UTP4: variants seen among roughly 807,000 people sequenced by gnomAD.
UTP4 encodes UTP4 small subunit processome component, also known as U3 small nucleolar RNA-associated protein 4 homolog.
UTP4 carries 45 observed loss-of-function variants against 82.4 expected under a neutral mutation model. The observed-to-expected ratio is 0.55, with a 90% confidence interval of 0.43 to 0.70. The LOEUF (loss-of-function observed/expected upper bound fraction) is 0.70, where lower values mean the gene tolerates loss of function less well. Ranked by LOEUF, UTP4 falls within the 30% of genes least tolerant of loss-of-function variation. UTP4 has a pLI of 0.00. For missense variants in UTP4, 819 were observed against 858.3 expected, an observed-to-expected ratio of 0.95 and a Z score of 0.57; for synonymous variants, 348 against 300.3, an observed-to-expected ratio of 1.16 and a Z score of -1.64.
intron 6 of UTP4, among the ~76,000 whole-genome samples, chr16:69,144,344 G>A (rs565228355): frequency 2.0e-5 from 3 of 151,838 alleles, no homozygotes; most frequent in South Asian, 4.2e-4. Flanking sequence ...GATTACAGGC[G>A]CCCGCCTCTG....
chr16:69,158,161 CTTTTTTTTTT>C (rs34392768), intron 12 of UTP4, among the ~76,000 whole-genome samples: 483 of 40,330 alleles, frequency 0.012, 1 homozygote, highest in Middle Eastern at 0.042. Flanking sequence ...AAAGTCAACT[CTTTTTTTTTT>C]TTTTTTTTTT....
chr16:69,136,622 T>C (rs1962820604), intron 2 of UTP4, 74 bp from the exon 3 acceptor site: 1 of 1,448,380 alleles, frequency 6.9e-7, no homozygotes, highest in African/African-American at 1.4e-5. Context: ...GTTTTTACCA[T>C]GTTGCCTGTG....
chr16:69,162,914 A>C (rs544872619), intron 13 of UTP4, among the ~76,000 whole-genome samples, 169 bp from the exon 14 acceptor site: 1 of 152,032 alleles, frequency 6.6e-6, no homozygotes, highest in South Asian at 2.1e-4. Flanking sequence ...AGAGAAGAAA[A>C]AGAAATGAAA....
rs1176579617 is a variant in UTP4, at chr16:69,151,055, G to A, written c.1002+151G>A. The A allele has an allele frequency of 8.8e-6, 6 of 683,560 alleles. No homozygotes were observed. The Admixed American group carries it at 8.9e-5, about 10-fold the overall frequency. 42.3% of individuals were successfully genotyped at this position (683,560 alleles called of 1,614,324 possible). The stretch of plus-strand genomic sequence containing the variant: ...AGAGTTTGCTCTTGTTGCCCAGGCT[G>A]GAGTGCAATGGCGCGATCTCGGCTC... On this transcript the variant is annotated intron_variant, in intron 8 of 16. Coordinates refer to ENST00000314423, the MANE Select transcript of UTP4 (RefSeq NM_032830.3).
intron 4 of UTP4, among the ~76,000 whole-genome samples, chr16:69,138,368 A>G (rs1962867410): frequency 6.6e-6 from 1 of 151,220 alleles, no homozygotes; most frequent in Admixed American, 6.6e-5. Context: ...CTCCCAAGTG[A>G]CTGGGATTCC....
intron 6 of UTP4, among the ~76,000 whole-genome samples, chr16:69,146,942 G>A (rs975950682): frequency 4.0e-5 from 6 of 148,170 alleles, no homozygotes; most frequent in East Asian, 2.0e-4. Flanking sequence ...GGCGGAGCTT[G>A]CATTGAGTGC....
intron 1 of UTP4, chr16:69,133,145 C>A: frequency 2.7e-6 from 1 of 373,678 alleles, no homozygotes. Flanking sequence ...TGTTTGCAAA[C>A]TTAGCAATAG....
At chr16:69,158,681 T>TCA (rs1338593561) in intron 12 of UTP4, among the ~76,000 whole-genome samples, 3 of 152,196 alleles carry the variant, frequency 2.0e-5, no homozygotes, top group Admixed American at 2.0e-4. Context: ...TTCTCTCATC[T>TCA]CACTTCCCCT....
Position 69,139,910 on chromosome 16 carries a change from A to G in UTP4, c.522A>G (p.Lys174=). ...SIDYISVFDV[K]SGSAVHKMIV... ...ACTACATTAGTGTGTTTGATGTCAA[A>G]TCAGGTGATTGTTTTTTTCAGTTCA... The change falls in exon 5 of 17, where the codon AAA becomes AAG. Residue 174 remains lysine, a synonymous_variant. Transcript: ENST00000314423. The G allele has an allele frequency of 6.2e-7, 1 of 1,609,062 alleles. No homozygotes were observed. The highest frequency in any genetic ancestry group is 1.1e-5 in the South Asian group (1 of 90,984).
At position 69,137,509 on chromosome 16, in the gene UTP4, C is replaced by G. The variant is rs144098141; in HGVS notation, c.352-292C>G. Among the ~76,000 whole-genome samples, 24 of 152,288 alleles carry G rather than the reference C, an allele frequency of 1.6e-4. No individual in the cohort carries two copies. In the East Asian group the frequency reaches 3.5e-3, roughly 22 times the overall value. ...GCCAAGGGTCTCTAGCAGAAGTATT[C>G]TATGAAATCCTACTTCTAATCCATG... On this transcript the variant is annotated intron_variant, in intron 3 of 16. Coordinates refer to ENST00000314423, the MANE Select transcript of UTP4 (RefSeq NM_032830.3).
intron 14 of UTP4, among the ~76,000 whole-genome samples, chr16:69,163,883 TG>T (rs371971614): frequency 0.015 from 2,135 of 141,998 alleles, 122 homozygotes; most frequent in African/African-American, 0.052. Flanking sequence ...ATGGTCAGTT[TG>T]TTTTTTTTTT....
intron 6 of UTP4, among the ~76,000 whole-genome samples, chr16:69,149,114 C>G (rs1195623860): frequency 1.3e-5 from 2 of 152,058 alleles, no homozygotes; most frequent in African/African-American, 2.4e-5. Flanking sequence ...GGCACGGTGA[C>G]TCACACCTGT....
Position 69,167,117 on chromosome 16 carries a change from C to A in UTP4, c.1876C>A (p.Pro626Thr). 1 of 1,614,014 alleles carries A rather than the reference C, an allele frequency of 6.2e-7. No individual in the cohort carries two copies. Among genetic ancestry groups the A allele is most frequent in the Non-Finnish European group, 8.5e-7 (1 of 1,179,916 alleles). The change falls in exon 16 of 17, where the codon CCC (proline) becomes ACC (threonine). Residue 626 changes from proline to threonine, a missense_variant. Physicochemically the swap from Pro to Thr is conservative, Grantham distance 38. Coordinates refer to ENST00000314423, the MANE Select transcript of UTP4 (RefSeq NM_032830.3). ...DKTLLYNPFP[P>T]TNESDVIRRR... Reference sequence around the variant, plus strand: ...AACCTTACTCTACAATCCATTTCCTCCCACGAATGAATCAGATGTCATCCG... The same window carrying A: ...AACCTTACTCTACAATCCATTTCCTACCACGAATGAATCAGATGTCATCCG...
In UTP4 at chr16:69,143,247, G is replaced by C. The variant is rs751589591; in HGVS notation, c.596G>C (p.Trp199Ser). ...MGVSKRKCIV[W>S]GVAFLSDGTI... ...GTGTCTAAGCGGAAGTGCATCGTGT[G>C]GGGTGTCGCCTTCTTGTCCGATGGC... Residue 199 changes from tryptophan to serine, a missense_variant, in exon 6 of 17, where the codon TGG becomes TCG. Physicochemically the swap from Trp to Ser is radical, Grantham distance 177. Transcript: ENST00000314423. 2 of 1,614,116 alleles carry C rather than the reference G, an allele frequency of 1.2e-6. No homozygotes were observed. Among genetic ancestry groups the C allele is most frequent in the Non-Finnish European group, 1.7e-6 (2 of 1,180,046 alleles).
chr16:69,153,761 A>G (rs1963339426), intron 9 of UTP4, 81 bp downstream of exon 9: 1 of 937,012 alleles, frequency 1.1e-6, no homozygotes, highest in African/African-American at 1.6e-5. Context: ...AATTCTGCTT[A>G]TAGAAAAACT....
At chr16:69,164,631 T>C (rs1963656191) in intron 14 of UTP4, among the ~76,000 whole-genome samples, 2 of 147,828 alleles carry the variant, frequency 1.4e-5, no homozygotes, top group Non-Finnish European at 3.0e-5. Context: ...TATATATCTG[T>C]ATATAGATAT....
At chr16:69,143,080 A>G (rs1963007576) in intron 5 of UTP4, 98 bp from the exon 6 acceptor site, 3 of 1,305,332 alleles carry the variant, frequency 2.3e-6, no homozygotes, top group South Asian at 1.2e-5. Flanking sequence ...CTGGCCTTAA[A>G]CTCCAGGGCT....
At chr16:69,149,537 C>A (rs555281411) in intron 6 of UTP4, among the ~76,000 whole-genome samples, 1 of 151,676 alleles carries the variant, frequency 6.6e-6, no homozygotes, top group Non-Finnish European at 1.5e-5. Context: ...GGTGACAGAG[C>A]GAAACTCCGT....
chr16:69,150,355 G>C (rs1199052872), intron 6 of UTP4, among the ~76,000 whole-genome samples, 182 bp from the exon 7 acceptor site: 1 of 152,192 alleles, frequency 6.6e-6, no homozygotes, highest in African/African-American at 2.4e-5. Context: ...ATTGTTACCA[G>C]TGTCTGAGCT....
Sources: gnomAD v4.1 joint callset for allele counts (sites outside exome capture counted in the v4.1 genomes callset) on GRCh38, gnomAD v4.1.1 for gene constraint, MANE v1.5 for transcripts, NCBI Gene and HGNC (gene_info 2026-07-23, HGNC 2026-07-21) for gene names.